The following BAK1 variants were observed in gnomAD, a reference collection of about 807,000 sequenced individuals.
BAK1 encodes bcl-2 homologous antagonist/killer.
A neutral mutation model predicts 24.7 loss-of-function variants in BAK1; 19 were observed. That is an observed-to-expected ratio of 0.77 (90% CI 0.54 to 1.13). BAK1 has a LOEUF of 1.13. Ranked by LOEUF, BAK1 falls within the 50% of genes most tolerant of loss-of-function variation. The pLI is 0.00. For synonymous variants in BAK1, 86 were observed against 107.3 expected (o/e 0.80, Z 1.23); for missense variants, 194 against 279.4 (o/e 0.69, Z 2.18).
rs1479494135 is a variant in BAK1 at position 33,573,170 on chromosome 6, T to G, written c.*633A>C. 6.5e-6 allele frequency: 1 copy of G among 152,720 alleles called. No homozygotes were observed. The highest frequency in any genetic ancestry group is 1.5e-5 in the Non-Finnish European group (1 of 68,258). The allele number at this position is 152,720 out of a possible 1,614,324, so 9.5% of individuals were successfully genotyped here. On this transcript the variant is annotated 3_prime_UTR_variant, in exon 6 of 6. Coordinates refer to ENST00000374467, the MANE Select transcript of BAK1 (RefSeq NM_001188.4). ...CCCCACACCCCAAGCCCAGAATCCC[T>G]GAGAGTCCAACTGCAAAGGCAGTAT... is the stretch of plus-strand genomic sequence containing the variant.
At chr6:33,576,353 G>A (rs1440887455) in intron 2 of BAK1, among the ~76,000 whole-genome samples, 5 of 135,366 alleles carry the variant, frequency 3.7e-5, no homozygotes, top group Non-Finnish European at 6.2e-5. Flanking sequence ...AAAAATGGCC[G>A]GGTGTGGTGG....
chr6:33,576,086 TG>T (rs1255502902), intron 2 of BAK1, among the ~76,000 whole-genome samples, 158 bp from the exon 3 acceptor site: 1 of 152,154 alleles, frequency 6.6e-6, no homozygotes, highest in Non-Finnish European at 1.5e-5. Context: ...CCCAGCACTT[TG>T]GGAGGCCGAG....
intron 4 of BAK1, 129 bp from the exon 5 acceptor site, chr6:33,574,343 G>A: frequency 7.0e-7 from 1 of 1,432,346 alleles, no homozygotes; most frequent in Non-Finnish European, 9.5e-7. Flanking sequence ...CGCAGAGGCT[G>A]CCCCAACCTG....
At position 33,577,511 on chromosome 6, in the gene BAK1, G is replaced by A; in HGVS notation, c.70+24C>T. On this transcript the variant is annotated intron_variant, in intron 2 of 5. Transcript: ENST00000374467. The surrounding 1 kb of genome is among the most constrained non-coding windows in gnomAD (Gnocchi z 4.6). The stretch of plus-strand genomic sequence containing the variant: ...GACAGCACTCATGGTTATGGGATGG[G>A]TGAGGGGGCAGGAAGACCCTTACCA... The A allele has an allele frequency of 6.5e-7, 1 of 1,535,516 alleles. No individual in the cohort carries two copies. The highest frequency in any genetic ancestry group is 8.8e-7 in the Non-Finnish European group (1 of 1,136,584).
chr6:33,574,353 G>T, intron 4 of BAK1, 139 bp from the exon 5 acceptor site: 1 of 1,431,194 alleles, frequency 7.0e-7, no homozygotes, highest in Non-Finnish European at 9.6e-7. Flanking sequence ...GCCCCAACCT[G>T]GCCTGTATTT....
At position 33,577,359 on chromosome 6, in the gene BAK1, C is replaced by G. The variant is rs1449025533; in HGVS notation, c.70+176G>C. ...GCCCTCCCCAGTCCAGACTCCTCCCCCTCCTGGGCTTAACCTTGACAGCAG... is the reference window on the plus strand; with the variant it reads ...GCCCTCCCCAGTCCAGACTCCTCCCGCTCCTGGGCTTAACCTTGACAGCAG... On this transcript the variant is annotated intron_variant, in intron 2 of 5. Transcript: ENST00000374467. This position sits in a 1 kb window ranked among gnomAD's most constrained non-coding sequence, Gnocchi z 4.6. 6.6e-6 allele frequency among the ~76,000 whole-genome samples: 1 copy of G among 152,322 alleles called. No individual in the cohort carries two copies. The highest frequency in any genetic ancestry group is 1.5e-5 in the Non-Finnish European group (1 of 68,030).
intron 1 of BAK1, among the ~76,000 whole-genome samples, chr6:33,579,432 G>A (rs1762900550): frequency 6.6e-6 from 1 of 152,204 alleles, no homozygotes; most frequent in Non-Finnish European, 1.5e-5. Context: ...CAGTCTCCAG[G>A]ACCCGGCACC....
intron 2 of BAK1, among the ~76,000 whole-genome samples, chr6:33,576,557 C>T (rs1318722337): frequency 3.3e-5 from 5 of 151,146 alleles, no homozygotes; most frequent in African/African-American, 4.9e-5. Flanking sequence ...GGCGTGAACC[C>T]GGGAGTTGGA....
rs561276 is a variant in BAK1 at position 33,575,339 on chromosome 6, C to T, written c.309G>A (p.Thr103=). The part of the protein sequence containing the change: ...FQTMLQHLQP[T]AENAYEYFTK... ...TGAAGTACTCATAGGCATTCTCTGC[C>T]GTGGGCTGCAGGTGCTGCAACATGG... The change falls in exon 4 of 6, where the codon ACG becomes ACA. Residue 103 remains threonine, a synonymous_variant. Coordinates refer to ENST00000374467, the MANE Select transcript of BAK1 (RefSeq NM_001188.4). The surrounding 1 kb of genome is among the most constrained non-coding windows in gnomAD (Gnocchi z 6.3). The T allele has an allele frequency of 0.013, 20,419 of 1,614,100 alleles. 487 individuals are homozygous for T. The highest frequency in any genetic ancestry group is 0.099 in the African/African-American group (7,456 of 74,990).
rs966073534 is a variant in BAK1 at position 33,577,182 on chromosome 6, T to C, written c.70+353A>G. ...CTGTTGAGCAGACCTGACTGGGTGA[T>C]TGGCCAGCTTACTTCCTTATTTCTC... On this transcript the variant is annotated intron_variant, in intron 2 of 5. Coordinates refer to ENST00000374467, the MANE Select transcript of BAK1 (RefSeq NM_001188.4). The surrounding 1 kb of genome is among the most constrained non-coding windows in gnomAD (Gnocchi z 4.6). Among the ~76,000 whole-genome samples the C allele has an allele frequency of 1.3e-5, 2 of 152,158 alleles. No homozygotes were observed. Among genetic ancestry groups the C allele is most frequent in the Non-Finnish European group, 2.9e-5 (2 of 68,014 alleles).
At position 33,577,391 on chromosome 6, in the gene BAK1, C is replaced by T; in HGVS notation, c.70+144G>A. On this transcript the variant is annotated intron_variant, in intron 2 of 5. Coordinates refer to ENST00000374467, the MANE Select transcript of BAK1 (RefSeq NM_001188.4). The surrounding 1 kb of genome is among the most constrained non-coding windows in gnomAD (Gnocchi z 4.6). ...GGCTTAACCTTGACAGCAGCTCCAG[C>T]CTCTGAGCCCGTGGGTGGGGAAGAG... The T allele has an allele frequency of 1.2e-6, 1 of 800,320 alleles. No homozygotes were observed. The highest frequency in any genetic ancestry group is 1.9e-6 in the Non-Finnish European group (1 of 529,664). 49.6% of individuals were successfully genotyped at this position (800,320 alleles called of 1,614,324 possible).
chr6:33,574,273 C>T, intron 4 of BAK1, 59 bp from the exon 5 acceptor site: 1 of 1,573,650 alleles, frequency 6.4e-7, no homozygotes, highest in Non-Finnish European at 8.7e-7. Context: ...CTTCAGCCTG[C>T]CTGGCCTCTC....
chr6:33,576,331 C>CAA (rs11462912), intron 2 of BAK1, among the ~76,000 whole-genome samples: 28,798 of 122,670 alleles, frequency 0.23, 3,565 homozygotes, highest in South Asian at 0.31. Context: ...AACTCTGTCT[C>CAA]AAAAAAAAAA....
chr6:33,577,510 G>C lies in BAK1; in HGVS notation c.70+25C>G, dbSNP rs1762866619. ...CGACAGCACTCATGGTTATGGGATGGGTGAGGGGGCAGGAAGACCCTTACC... is the reference window on the plus strand; with the variant it reads ...CGACAGCACTCATGGTTATGGGATGCGTGAGGGGGCAGGAAGACCCTTACC... On this transcript the variant is annotated intron_variant, in intron 2 of 5. Transcript: ENST00000374467. This position sits in a 1 kb window ranked among gnomAD's most constrained non-coding sequence, Gnocchi z 4.6. The C allele has an allele frequency of 6.5e-7, 1 of 1,534,268 alleles. No homozygotes were observed. Among genetic ancestry groups the C allele is most frequent in the Non-Finnish European group, 8.8e-7 (1 of 1,135,490 alleles).
Position 33,580,271 on chromosome 6 carries a change from C to T in BAK1, c.-278G>A, listed in dbSNP as rs532268535. 1.3e-5 allele frequency: 2 copies of T among 152,332 alleles called. No homozygotes were observed. The allele number at this position is 152,332 out of a possible 1,614,324, so 9.4% of individuals were successfully genotyped here. On this transcript the variant is annotated 5_prime_UTR_variant, in exon 1 of 6. Coordinates refer to ENST00000374467, the MANE Select transcript of BAK1 (RefSeq NM_001188.4). The stretch of plus-strand genomic sequence containing the variant: ...AATCAGCTCCCTCTAGAGGAAGTTG[C>T]TCTGTGGCCACCGGATGCAGACGCA...
rs1236518329 is a variant in BAK1, at chr6:33,575,414, G to A, written c.234C>T (p.Leu78=). The change falls in exon 4 of 6, where the codon CTC becomes CTT. Residue 78 remains leucine (L), a synonymous_variant. Coordinates refer to ENST00000374467, the MANE Select transcript of BAK1 (RefSeq NM_001188.4). The surrounding 1 kb of genome is among the most constrained non-coding windows in gnomAD (Gnocchi z 6.3). ...GGTTGATGTCGTCCCCGATGATGGC[G>A]AGCTGCCGTCCCACCTGCCCCATGG... The part of the protein sequence containing the change: ...SSTMGQVGRQ[L]AIIGDDINRR... The A allele has an allele frequency of 4.3e-6, 7 of 1,613,962 alleles. No individual in the cohort carries two copies. In the East Asian group the frequency reaches 6.7e-5, roughly 15 times the overall value.
rs1762787559 is a variant in BAK1, at chr6:33,573,031, G to A, written c.*772C>T. ...CCTTCACCTGTAGTGAATGGGTTGG[G>A]AGCAAGTGTCTATAAGGAGAGAGGA... On this transcript the variant is annotated 3_prime_UTR_variant, in exon 6 of 6. Transcript: ENST00000374467. The A allele has an allele frequency of 6.6e-6, 1 of 152,634 alleles. No individual in the cohort carries two copies. Among genetic ancestry groups the A allele is most frequent in the Non-Finnish European group, 1.5e-5 (1 of 68,062 alleles). The allele number at this position is 152,634 out of a possible 1,614,324, so 9.5% of individuals were successfully genotyped here.
rs761535491 is a variant in BAK1, at chr6:33,575,421, C to T, written c.227G>A (p.Arg76Gln). Residue 76 changes from arginine (R) to glutamine (Q), a missense_variant, in exon 4 of 6, where the codon CGG becomes CAG. Arg to Gln is a conservative substitution (Grantham distance 43). Transcript: ENST00000374467. This position sits in a 1 kb window ranked among gnomAD's most constrained non-coding sequence, Gnocchi z 6.3. Reference protein sequence around the residue: ...QPSSTMGQVGRQLAIIGDDIN... With the variant: ...QPSSTMGQVGQQLAIIGDDIN... The stretch of plus-strand genomic sequence containing the variant: ...GTCGTCCCCGATGATGGCGAGCTGC[C>T]GTCCCACCTGCCCCATGGTGCTGTA... 1.1e-5 allele frequency: 18 copies of T among 1,613,698 alleles called. No homozygotes were observed. The highest frequency in any genetic ancestry group is 3.3e-5 in the South Asian group (3 of 91,060).
chr6:33,579,866 G>C (rs565525532), intron 1 of BAK1, among the ~76,000 whole-genome samples, 159 bp downstream of exon 1: 2 of 152,358 alleles, frequency 1.3e-5, no homozygotes, highest in Admixed American at 6.5e-5. Context: ...GCAGCCAGAG[G>C]CAGGCATGGC....
Sources: gnomAD v4.1 joint callset for allele counts (sites outside exome capture counted in the v4.1 genomes callset) on GRCh38, gnomAD v4.1.1 for gene constraint, Gnocchi (gnomAD v3.1) non-coding constraint, MANE v1.5 for transcripts, NCBI Gene and HGNC (gene_info 2026-07-23, HGNC 2026-07-21) for gene names.